Variants in NRXN1 observed in about 807,000 individuals in gnomAD.
NRXN1 encodes neurexin 1.
Under a neutral mutation model 150.9 loss-of-function variants are expected in NRXN1, and 39 were observed. That is an observed-to-expected ratio of 0.26 (90% CI 0.20 to 0.34). NRXN1 has a LOEUF of 0.34. NRXN1 is among the 10% of genes least tolerant of loss of function. The pLI, the probability that NRXN1 is intolerant of heterozygous loss-of-function variation, is 1.00. For missense variants in NRXN1, 1,815 were observed against 1,949.9 expected, an observed-to-expected ratio of 0.93 and a Z score of 1.30; for synonymous variants, 924 against 757.0, an observed-to-expected ratio of 1.22 and a Z score of -3.62.
intron 5 of NRXN1, among the ~76,000 whole-genome samples, chr2:50,792,222 G>A (rs889897193): frequency 6.6e-6 from 1 of 152,036 alleles, no homozygotes. Flanking sequence ...AGGAAAGAAA[G>A]TAATTACAAA....
At chr2:50,596,175 A>G (rs939481513) in intron 8 of NRXN1, among the ~76,000 whole-genome samples, 2 of 152,192 alleles carry the variant, frequency 1.3e-5, no homozygotes, top group Admixed American at 1.3e-4. Flanking sequence ...ACAACCAAAT[A>G]AAAATACATT....
chr2:50,607,695 T>C (rs2104022648), intron 8 of NRXN1, among the ~76,000 whole-genome samples: 1 of 151,710 alleles, frequency 6.6e-6, no homozygotes, highest in South Asian at 2.1e-4. Context: ...ATTTTCTGCA[T>C]TTTGGCAAGT....
chr2:50,337,778 A>T (rs2077288488), intron 17 of NRXN1, among the ~76,000 whole-genome samples: 1 of 152,226 alleles, frequency 6.6e-6, no homozygotes, highest in South Asian at 2.1e-4. Flanking sequence ...TTTTGTAAAA[A>T]TAATTAAAAT....
At chr2:50,671,826 A>G (rs920939053) in intron 5 of NRXN1, among the ~76,000 whole-genome samples, 3 of 151,894 alleles carry the variant, frequency 2.0e-5, no homozygotes, top group African/African-American at 7.2e-5. Flanking sequence ...TTGTAACTGC[A>G]CATAAAACTT....
intron 2 of NRXN1, among the ~76,000 whole-genome samples, chr2:50,965,257 A>T (rs918023359): frequency 6.6e-6 from 1 of 151,394 alleles, no homozygotes; most frequent in African/African-American, 2.4e-5. Flanking sequence ...GGAGATTTCA[A>T]GCTCTTGGAC....
intron 17 of NRXN1, among the ~76,000 whole-genome samples, chr2:50,250,627 C>G (rs2066949271): frequency 6.6e-6 from 1 of 151,820 alleles, no homozygotes; most frequent in Admixed American, 6.6e-5. Flanking sequence ...CTATGAAATG[C>G]AAATTTCCTT....
intron 5 of NRXN1, chr2:50,656,385 T>G (rs2104601044): frequency 1.3e-6 from 1 of 776,964 alleles, no homozygotes; most frequent in East Asian, 2.4e-5. Context: ...CTTCCAGAAG[T>G]CATGAAAGTG....
At chr2:50,319,783 C>T (rs533437920) in intron 17 of NRXN1, among the ~76,000 whole-genome samples, 1 of 152,164 alleles carries the variant, frequency 6.6e-6, no homozygotes, top group Admixed American at 6.5e-5. Context: ...GTCAAAGAAG[C>T]TGTTTTCTGC....
chr2:50,399,054 G>A (rs12713098), intron 17 of NRXN1, among the ~76,000 whole-genome samples: 36,793 of 152,042 alleles, frequency 0.24, 4,979 homozygotes, highest in East Asian at 0.43. Context: ...ATGGATTTTC[G>A]AAAGTAAAAC....
intron 8 of NRXN1, among the ~76,000 whole-genome samples, chr2:50,594,875 C>T (rs554917843): frequency 6.6e-6 from 1 of 152,128 alleles, no homozygotes; most frequent in African/African-American, 2.4e-5. Flanking sequence ...CTGCTCAGGG[C>T]TAATCACTCC....
At chr2:50,135,111 T>G (rs1267414437) in intron 18 of NRXN1, among the ~76,000 whole-genome samples, 2 of 152,196 alleles carry the variant, frequency 1.3e-5, no homozygotes, top group African/African-American at 4.8e-5. Context: ...ATTTGCAGCT[T>G]CAAGCAACAG....
chr2:50,179,835 G>T (rs1465260992), intron 18 of NRXN1, among the ~76,000 whole-genome samples: 1 of 152,064 alleles, frequency 6.6e-6, no homozygotes, highest in Non-Finnish European at 1.5e-5. Context: ...CCTAGAGCTA[G>T]ACGTCCAGGC....
intron 2 of NRXN1, among the ~76,000 whole-genome samples, chr2:50,935,848 A>G (rs1688467943): frequency 6.6e-6 from 1 of 152,168 alleles, no homozygotes; most frequent in Non-Finnish European, 1.5e-5. Flanking sequence ...AGTAAGATGT[A>G]TAATAAAAAT....
intron 21 of NRXN1, among the ~76,000 whole-genome samples, chr2:50,036,067 C>T (rs906240942): frequency 6.6e-6 from 1 of 152,078 alleles, no homozygotes; most frequent in Non-Finnish European, 1.5e-5. Flanking sequence ...ATAGAAATAG[C>T]CAGTATGATA....
chr2:50,614,285 C>A (rs938917518), intron 8 of NRXN1, among the ~76,000 whole-genome samples: 3 of 152,244 alleles, frequency 2.0e-5, no homozygotes, highest in African/African-American at 7.2e-5. Context: ...AGCCCTCCCT[C>A]CTCTCATCTG....
At chr2:50,942,549 T>C (rs1049684379) in intron 2 of NRXN1, among the ~76,000 whole-genome samples, 2 of 152,182 alleles carry the variant, frequency 1.3e-5, no homozygotes, top group African/African-American at 4.8e-5. Flanking sequence ...TCTGCATGTC[T>C]TGGATATGAG....
At chr2:50,111,730 G>C (rs1357426620) in intron 18 of NRXN1, among the ~76,000 whole-genome samples, 1 of 152,018 alleles carries the variant, frequency 6.6e-6, no homozygotes, top group Non-Finnish European at 1.5e-5. Flanking sequence ...ACAGCCCTTT[G>C]AATATTTAAA....
At chr2:50,913,662 C>G (rs755964726) in intron 5 of NRXN1, among the ~76,000 whole-genome samples, 2 of 151,582 alleles carry the variant, frequency 1.3e-5, no homozygotes, top group African/African-American at 2.4e-5. Context: ...TGCATTTTAC[C>G]TGTTTGAAAG....
At chr2:50,438,872 G>A (rs948297393) in intron 17 of NRXN1, among the ~76,000 whole-genome samples, 1 of 152,158 alleles carries the variant, frequency 6.6e-6, no homozygotes, top group African/African-American at 2.4e-5. Context: ...AGATCTTCTG[G>A]TGGCTTCTCC....
Sources: gnomAD v4.1 joint callset for allele counts (sites outside exome capture counted in the v4.1 genomes callset) on GRCh38, gnomAD v4.1.1 for gene constraint, MANE v1.5 for transcripts, NCBI Gene and HGNC (gene_info 2026-07-23, HGNC 2026-07-21) for gene names.